Variants in ABCB1 observed in about 807,000 individuals in gnomAD.
ABCB1 encodes ATP-dependent translocase ABCB1.
ABCB1 carries 69 observed loss-of-function variants against 142.0 expected under a neutral mutation model. That is an observed-to-expected ratio of 0.49 (90% CI 0.40 to 0.59). The LOEUF (loss-of-function observed/expected upper bound fraction) is 0.59. Among genes scored for constraint, ABCB1 ranks in the 20% least tolerant of loss-of-function variants. The probability of loss-of-function intolerance (pLI) is 0.00; values close to 1 mark genes in which losing one functional copy is unlikely to be tolerated. For synonymous variants in ABCB1, 532 were observed against 539.2 expected (o/e 0.99, Z 0.18); for missense variants, 1,326 against 1,554.7 (o/e 0.85, Z 2.47).
chr7:87,625,404 AC>A (rs1358877449), intron 1 of ABCB1, among the ~76,000 whole-genome samples: 2 of 152,212 alleles, frequency 1.3e-5, no homozygotes, highest in East Asian at 1.9e-4. Flanking sequence ...TTAACATCTC[AC>A]TTTTCTCGTT....
intron 21 of ABCB1, among the ~76,000 whole-genome samples, chr7:87,522,814 T>C (rs147898841): frequency 3.2e-4 from 48 of 152,262 alleles, no homozygotes; most frequent in African/African-American, 1.1e-3. Flanking sequence ...TGCATAAATA[T>C]ATTTAAAAAG....
chr7:87,629,653 C>A (rs938081825), intron 1 of ABCB1, among the ~76,000 whole-genome samples: 1 of 152,072 alleles, frequency 6.6e-6, no homozygotes, highest in Non-Finnish European at 1.5e-5. Flanking sequence ...TTGGGCCGGG[C>A]GCGGTGGCTT....
intron 6 of ABCB1, among the ~76,000 whole-genome samples, chr7:87,566,528 G>T (rs1322632967): frequency 6.6e-6 from 1 of 152,150 alleles, no homozygotes; most frequent in Non-Finnish European, 1.5e-5. Flanking sequence ...TTGCTCTACT[G>T]CACATTCTCA....
chr7:87,705,069 T>C (rs1829466836), intron 1 of ABCB1, among the ~76,000 whole-genome samples: 2 of 152,216 alleles, frequency 1.3e-5, no homozygotes, highest in Non-Finnish European at 2.9e-5. Context: ...TCTGTCCTGA[T>C]ACCACTTAGA....
Position 87,531,501 on chromosome 7 carries a change from C to T in ABCB1, c.2482-4G>A. On this transcript the variant is annotated splice_polypyrimidine_tract_variant and splice_region_variant and intron_variant, in intron 20 of 27. Transcript: ENST00000622132. Reference sequence around the variant, plus strand: ...CAGCAAGCCTGGAACCTATAGCCTGCAAAACAAAACAAATTAGAGAAATTT... The same window carrying T: ...CAGCAAGCCTGGAACCTATAGCCTGTAAAACAAAACAAATTAGAGAAATTT... 1.2e-6 allele frequency: 2 copies of T among 1,611,840 alleles called. No individual in the cohort carries two copies. Among genetic ancestry groups the T allele is most frequent in the Non-Finnish European group, 1.7e-6 (2 of 1,179,232 alleles).
rs550837686 is a variant in ABCB1, at chr7:87,521,593, G to A, written c.2686-717C>T. The A allele has an allele frequency of 1.0e-4, 79 of 759,246 alleles. 1 individual carries two copies. The highest frequency in any genetic ancestry group is 8.9e-4 in the South Asian group (66 of 74,028). 47.0% of individuals were successfully genotyped at this position (759,246 alleles called of 1,614,324 possible). On this transcript the variant is annotated intron_variant, in intron 21 of 27. Coordinates refer to ENST00000622132, the MANE Select transcript of ABCB1 (RefSeq NM_001348946.2). ...GCAATGGGGAATGCTCATGGATTGC[G>A]TGGTAATGAGAGATCCAAATACCAA...
At chr7:87,516,736 T>A in intron 23 of ABCB1, 71 bp from the exon 24 acceptor site, 2 of 1,271,414 alleles carry the variant, frequency 1.6e-6, no homozygotes, top group Non-Finnish European at 2.1e-6. Flanking sequence ...CACTCCTTTT[T>A]TTTTTTTTTT....
chr7:87,671,918 A>C (rs1825858910), intron 1 of ABCB1, among the ~76,000 whole-genome samples: 1 of 152,194 alleles, frequency 6.6e-6, no homozygotes, highest in African/African-American at 2.4e-5. Context: ...AAACACAGGC[A>C]GGAGTGCTGG....
chr7:87,512,565 A>AG (rs1057283024), intron 25 of ABCB1, among the ~76,000 whole-genome samples: 16 of 152,196 alleles, frequency 1.1e-4, no homozygotes, highest in Non-Finnish European at 2.2e-4. Flanking sequence ...TCCTGACTTC[A>AG]GGGGGTCCTT....
intron 1 of ABCB1, among the ~76,000 whole-genome samples, chr7:87,636,980 T>C (rs945610220): frequency 1.3e-5 from 2 of 152,008 alleles, no homozygotes; most frequent in African/African-American, 2.4e-5. Context: ...GAGAGAAAAA[T>C]GAGAACATGA....
intron 1 of ABCB1, among the ~76,000 whole-genome samples, chr7:87,702,142 C>CAA (rs146127516): frequency 0.079 from 1,330 of 16,758 alleles, 444 homozygotes; most frequent in Non-Finnish European, 0.088. Context: ...GACTCTGTCT[C>CAA]AAAAAAAAAA....
chr7:87,642,983 A>G (rs990926844), intron 1 of ABCB1, among the ~76,000 whole-genome samples: 3 of 152,012 alleles, frequency 2.0e-5, no homozygotes, highest in Admixed American at 6.5e-5. Flanking sequence ...ACGCATGACC[A>G]TAGCCCACTG....
At chr7:87,535,142 G>A (rs1816232941) in intron 20 of ABCB1, among the ~76,000 whole-genome samples, 1 of 151,922 alleles carries the variant, frequency 6.6e-6, no homozygotes, top group Non-Finnish European at 1.5e-5. Flanking sequence ...TACTGCAACA[G>A]ACTCCTTCTA....
intron 21 of ABCB1, among the ~76,000 whole-genome samples, chr7:87,522,948 C>A (rs1481499209): frequency 1.3e-5 from 2 of 152,040 alleles, no homozygotes; most frequent in Non-Finnish European, 1.5e-5. Context: ...AATATCATAA[C>A]CAATTAAGTA....
chr7:87,545,058 T>TAATC (rs1816712568), intron 15 of ABCB1, 59 bp from the exon 16 acceptor site: 4 of 1,502,342 alleles, frequency 2.7e-6, no homozygotes, highest in African/African-American at 2.8e-5. Context: ...CAATGAAAGC[T>TAATC]AATCACTGAA....
At chr7:87,573,091 A>C (rs1011025262) in intron 4 of ABCB1, among the ~76,000 whole-genome samples, 1 of 152,222 alleles carries the variant, frequency 6.6e-6, no homozygotes, top group Non-Finnish European at 1.5e-5. Flanking sequence ...AAAGAGGTTT[A>C]ATGCACTCAT....
chr7:87,505,871 T>C (rs201997362), intron 27 of ABCB1, 26 bp downstream of exon 27: 155 of 1,613,816 alleles, frequency 9.6e-5, no homozygotes, highest in Non-Finnish European at 1.3e-4. Context: ...GATTCAAGTA[T>C]GGATGAACCC....
intron 8 of ABCB1, among the ~76,000 whole-genome samples, chr7:87,558,053 A>G (rs1179125775): frequency 6.6e-6 from 1 of 152,062 alleles, no homozygotes; most frequent in Non-Finnish European, 1.5e-5. Context: ...AAGGAAAAAA[A>G]CCTCCCTGAG....
intron 8 of ABCB1, among the ~76,000 whole-genome samples, chr7:87,555,884 C>T (rs1218822609): frequency 6.6e-6 from 1 of 152,148 alleles, no homozygotes; most frequent in Admixed American, 6.5e-5. Flanking sequence ...TCAGTTCTCG[C>T]TTACCAAGAC....
Sources: allele counts gnomAD v4.1 joint callset (sites outside exome capture counted in the v4.1 genomes callset), GRCh38; gene constraint gnomAD v4.1.1; transcripts MANE v1.5; gene names NCBI Gene and HGNC (gene_info 2026-07-23, HGNC 2026-07-21).